Variants in ICA1 observed in about 807,000 individuals in gnomAD.
The protein encoded by ICA1 is islet cell autoantigen 1, also known as 69 kDa islet cell autoantigen.
Under a neutral mutation model 71.0 loss-of-function variants are expected in ICA1, and 40 were observed. That is an observed-to-expected ratio of 0.56 (90% CI 0.44 to 0.73). ICA1 has a LOEUF of 0.73. Among genes scored for constraint, ICA1 ranks in the 30% least tolerant of loss-of-function variants. The pLI is 0.00. For synonymous variants in ICA1, 207 were observed against 209.5 expected, an observed-to-expected ratio of 0.99 and a Z score of 0.10; for missense variants, 578 against 576.5, an observed-to-expected ratio of 1.00 and a Z score of -0.03.
intron 13 of ICA1, among the ~76,000 whole-genome samples, chr7:8,118,588 A>C (rs1164257342): frequency 1.3e-5 from 2 of 152,196 alleles, no homozygotes; most frequent in Non-Finnish European, 2.9e-5. Flanking sequence ...TTGGCCCCTG[A>C]CCATTTTCCT....
At chr7:8,257,449 G>A (rs1810603131) in intron 1 of ICA1, among the ~76,000 whole-genome samples, 1 of 152,154 alleles carries the variant, frequency 6.6e-6, no homozygotes, top group Admixed American at 6.5e-5. Context: ...GAACATTGTT[G>A]CAATACTTAA....
At position 8,232,668 on chromosome 7, in the gene ICA1, C is replaced by T. The variant is rs200802849; in HGVS notation, c.105G>A (p.Gln35=). ...TCTTCCCTGTGGCTTTAATAAAGGC[C>T]TGCTTCGTCTCCCAATATTTCTGTT... The part of the protein sequence containing the change: ...KMQQKYWETK[Q]AFIKATGKKE... Residue 35 remains glutamine, a synonymous_variant, in exon 3 of 14, where the codon CAG becomes CAA. Coordinates refer to ENST00000402384, the MANE Select transcript of ICA1 (RefSeq NM_001136020.3). The T allele has an allele frequency of 2.5e-6, 4 of 1,613,538 alleles. No individual in the cohort carries two copies. In the East Asian group the frequency reaches 6.7e-5, roughly 27 times the overall value.
At chr7:8,246,893 T>G (rs2128508187) in intron 1 of ICA1, among the ~76,000 whole-genome samples, 1 of 152,242 alleles carries the variant, frequency 6.6e-6, no homozygotes, top group East Asian at 1.9e-4. Flanking sequence ...ACTACAGGCA[T>G]GTGCCACAAC....
chr7:8,189,555 G>C (rs984165805), intron 6 of ICA1, among the ~76,000 whole-genome samples: 2 of 152,126 alleles, frequency 1.3e-5, no homozygotes, highest in African/African-American at 2.4e-5. Flanking sequence ...ATGGAGGCAG[G>C]TTTTTTCTTC....
At chr7:8,150,285 T>A (rs1343247857) in intron 8 of ICA1, among the ~76,000 whole-genome samples, 1 of 152,188 alleles carries the variant, frequency 6.6e-6, no homozygotes, top group Non-Finnish European at 1.5e-5. Context: ...GCTGTGAGGA[T>A]GAACTGAGAG....
rs113829139 is a variant in ICA1 at position 8,257,745 on chromosome 7, C to T, written c.-80+4349G>A. Among the ~76,000 whole-genome samples, 857 of 152,266 alleles carry T rather than the reference C, an allele frequency of 5.6e-3. 10 individuals are homozygous for T. Among genetic ancestry groups the T allele is most frequent in the African/African-American group, 0.019 (810 of 41,548 alleles). On this transcript the variant is annotated intron_variant, in intron 1 of 13. Transcript: ENST00000402384. ...CCCCTATTTTCTACTAATACCTCCA[C>T]CACCTCCACAACCATGCAACGAATA... is the stretch of plus-strand genomic sequence containing the variant.
At chr7:8,246,076 A>C (rs534000590) in intron 1 of ICA1, among the ~76,000 whole-genome samples, 71 of 152,378 alleles carry the variant, frequency 4.7e-4, no homozygotes, top group Admixed American at 1.1e-3. Context: ...AAGCCCAGAA[A>C]GAATGGTGTC....
At chr7:8,114,086 A>G in intron 13 of ICA1, 42 bp from the exon 14 acceptor site, 1 of 1,612,812 alleles carries the variant, frequency 6.2e-7, no homozygotes, top group African/African-American at 1.3e-5. Context: ...CACCTTCCAA[A>G]TGTCCACCTC....
chr7:8,179,632 A>C (rs1302208072), intron 6 of ICA1, among the ~76,000 whole-genome samples: 4 of 152,166 alleles, frequency 2.6e-5, no homozygotes, highest in South Asian at 4.1e-4. Flanking sequence ...CTTTTAGCAT[A>C]ATTATTAGAA....
intron 1 of ICA1, among the ~76,000 whole-genome samples, chr7:8,246,700 C>T (rs1175474572): frequency 6.6e-6 from 1 of 152,196 alleles, no homozygotes; most frequent in African/African-American, 2.4e-5. Flanking sequence ...ACACTTTGTT[C>T]AGGTTTTCTG....
intron 6 of ICA1, among the ~76,000 whole-genome samples, chr7:8,174,532 G>A (rs554230009): frequency 4.6e-5 from 7 of 152,048 alleles, no homozygotes; most frequent in African/African-American, 1.7e-4. Context: ...GGTGGTTCAC[G>A]CCTGTAATCC....
chr7:8,141,186 T>A (rs1469765394), intron 10 of ICA1, among the ~76,000 whole-genome samples: 1 of 152,176 alleles, frequency 6.6e-6, no homozygotes, highest in African/African-American at 2.4e-5. Context: ...GAGACAGAAA[T>A]AGCTGATGAG....
intron 8 of ICA1, among the ~76,000 whole-genome samples, chr7:8,148,993 C>G (rs1222080139): frequency 2.6e-5 from 4 of 152,108 alleles, no homozygotes; most frequent in Admixed American, 6.5e-5. Context: ...GTGAATTCTT[C>G]AAATTATTTT....
intron 12 of ICA1, among the ~76,000 whole-genome samples, chr7:8,131,942 C>T (rs7799065): frequency 0.12 from 18,578 of 152,268 alleles, 1,262 homozygotes; most frequent in Non-Finnish European, 0.16. Flanking sequence ...CAGATGTGGA[C>T]TGCTTCTGGG....
rs192495809 is a variant in ICA1 at position 8,139,711 on chromosome 7, C to T, written c.956-664G>A. 1.6e-4 allele frequency among the ~76,000 whole-genome samples: 25 copies of T among 152,292 alleles called. No homozygotes were observed. The East Asian group carries it at 4.8e-3, about 29-fold the overall frequency. On this transcript the variant is annotated intron_variant, in intron 10 of 13. Coordinates refer to ENST00000402384, the MANE Select transcript of ICA1 (RefSeq NM_001136020.3). The stretch of plus-strand genomic sequence containing the variant: ...GTCAATGTAGGTTTATTGACTATAA[C>T]AAATATACCACCTGGTGTAGGATGT...
intron 4 of ICA1, among the ~76,000 whole-genome samples, chr7:8,224,272 G>A (rs995416697): frequency 3.9e-5 from 6 of 152,236 alleles, no homozygotes; most frequent in East Asian, 1.9e-4. Context: ...TGAGAGCAGG[G>A]ACCTTCCAGG....
chr7:8,216,573 C>T (rs1436128614), intron 6 of ICA1, among the ~76,000 whole-genome samples: 1 of 97,642 alleles, frequency 1.0e-5, no homozygotes, highest in African/African-American at 5.1e-5. Context: ...ACCACCCCCA[C>T]AAAACAAAAC....
chr7:8,239,945 CT>C (rs1188800310), intron 1 of ICA1, among the ~76,000 whole-genome samples: 1 of 152,246 alleles, frequency 6.6e-6, no homozygotes, highest in Non-Finnish European at 1.5e-5. Flanking sequence ...CCTGTTGCCT[CT>C]GTACATTCCA....
Position 8,124,787 on chromosome 7 carries a change from A to AT in ICA1, c.1330+3085dup, listed in dbSNP as rs35742614. On this transcript the variant is annotated intron_variant, in intron 13 of 13. Coordinates refer to ENST00000402384, the MANE Select transcript of ICA1 (RefSeq NM_001136020.3). ...TACAGTAGTTACAAGTTAACTCAAC[A>AT]TTTTTTTTTTTTTCAGAGACAGAGT... 1.0e-3 allele frequency among the ~76,000 whole-genome samples: 154 copies of AT among 146,686 alleles called. 1 individual carries two copies. The highest frequency in any genetic ancestry group is 2.2e-3 in the Admixed American group (33 of 14,764).
Sources: allele counts gnomAD v4.1 joint callset (sites outside exome capture counted in the v4.1 genomes callset), GRCh38; gene constraint gnomAD v4.1.1; transcripts MANE v1.5; gene names NCBI Gene and HGNC (gene_info 2026-07-23, HGNC 2026-07-21).